The following KCTD14 variants were observed in gnomAD, a reference collection of about 807,000 sequenced individuals.
The protein encoded by KCTD14 is BTB/POZ domain-containing protein KCTD14.
A neutral mutation model predicts 5.9 loss-of-function variants in KCTD14; 7 were observed. The observed-to-expected ratio is 1.19, with a 90% CI of 0.68 to 2.23. The LOEUF (loss-of-function observed/expected upper bound fraction) is 2.23. Among genes scored for constraint, KCTD14 ranks in the 30% most tolerant of loss-of-function variants. The probability of loss-of-function intolerance (pLI) is 0.00; values close to 1 mark genes in which losing one functional copy is unlikely to be tolerated. For missense variants in KCTD14, 342 were observed against 332.2 expected (o/e 1.03, Z -0.23); for synonymous variants, 140 against 133.1 (o/e 1.05, Z -0.36).
chr11:78,020,948 T>C (rs1857288888), intron 1 of KCTD14, among the ~76,000 whole-genome samples: 2 of 152,146 alleles, frequency 1.3e-5, no homozygotes. Flanking sequence ...CTTCCCCAGC[T>C]CTGAAAGTCT....
At chr11:78,017,342 G>A in intron 1 of KCTD14, 72 bp from the exon 2 acceptor site, 2 of 1,487,852 alleles carry the variant, frequency 1.3e-6, no homozygotes, top group Non-Finnish European at 8.9e-7. Flanking sequence ...TTATCCAAAG[G>A]ATAACTGGAT....
chr11:78,044,852 C>T (rs888658798), intron 1 of KCTD14, among the ~76,000 whole-genome samples: 17 of 152,186 alleles, frequency 1.1e-4, no homozygotes, highest in African/African-American at 4.1e-4. Flanking sequence ...TGGAGCTTTA[C>T]ACCTTGGCAT....
chr11:78,028,900 G>A, intron 2 of KCTD14, among the ~76,000 whole-genome samples: 1 of 152,066 alleles, frequency 6.6e-6, no homozygotes, highest in South Asian at 2.1e-4. Flanking sequence ...GTTATTAAAT[G>A]ACATGCATAA....
At chr11:78,030,841 G>C (rs1411017991) in intron 2 of KCTD14, among the ~76,000 whole-genome samples, 2 of 151,950 alleles carry the variant, frequency 1.3e-5, no homozygotes, top group Non-Finnish European at 2.9e-5. Context: ...CCCATACAAG[G>C]CTCCCTCTGT....
upstream of KCTD14, among the ~76,000 whole-genome samples, chr11:78,027,782 T>C (rs1857506468): frequency 6.6e-6 from 1 of 152,166 alleles, no homozygotes; most frequent in Non-Finnish European, 1.5e-5. Flanking sequence ...TATAAAGGGT[T>C]GCATAGACCA....
intron 1 of KCTD14, among the ~76,000 whole-genome samples, chr11:78,042,588 C>T (rs117311011): frequency 0.015 from 2,337 of 152,324 alleles, 24 homozygotes; most frequent in Middle Eastern, 0.027. Context: ...TGAGTAATAA[C>T]TCCATCTCCT....
chr11:78,040,351 TTTC>T (rs1460618560), intron 1 of KCTD14, among the ~76,000 whole-genome samples: 8 of 152,152 alleles, frequency 5.3e-5, no homozygotes, highest in African/African-American at 1.7e-4. Flanking sequence ...TCTTTCTTTC[TTTC>T]TTCTTTTTTT....
chr11:78,028,115 G>A (rs553895235), upstream of KCTD14, among the ~76,000 whole-genome samples: 26 of 152,142 alleles, frequency 1.7e-4, no homozygotes, highest in Non-Finnish European at 1.5e-5. Flanking sequence ...TTTGTTTATA[G>A]TACCGAGTAT....
upstream of KCTD14, chr11:78,023,432 G>A (rs1857362395): frequency 1.7e-6 from 1 of 583,004 alleles, no homozygotes; most frequent in Admixed American, 3.1e-5. Flanking sequence ...GAGAAGGGCT[G>A]ACTTTGGAGA....
At chr11:78,023,012 C>T in intron 1 of KCTD14, 148 bp downstream of exon 1, 1 of 604,366 alleles carries the variant, frequency 1.7e-6, no homozygotes, top group Non-Finnish European at 2.9e-6. Flanking sequence ...AAGAGAGCGA[C>T]CAGCCCGAGG....
intron 1 of KCTD14, among the ~76,000 whole-genome samples, chr11:78,038,998 T>G (rs768253395): frequency 1.4e-5 from 2 of 147,226 alleles, no homozygotes; most frequent in Non-Finnish European, 3.0e-5. Context: ...TGCCTAAAAC[T>G]CATGGGAATT....
chr11:78,021,041 G>C (rs888752613), intron 1 of KCTD14, among the ~76,000 whole-genome samples: 7 of 151,984 alleles, frequency 4.6e-5, no homozygotes, highest in Non-Finnish European at 1.0e-4. Context: ...AGTGGCTTAC[G>C]CCTGTAATCC....
intron 1 of KCTD14, chr11:78,022,953 C>A (rs1857344510): frequency 5.4e-6 from 3 of 551,930 alleles, no homozygotes; most frequent in Non-Finnish European, 9.6e-6. Flanking sequence ...GAAAGGGACA[C>A]CGAGGCGCGA....
intron 2 of KCTD14, among the ~76,000 whole-genome samples, chr11:78,037,044 G>T (rs1422604485): frequency 6.6e-6 from 1 of 152,206 alleles, no homozygotes; most frequent in Admixed American, 6.5e-5. Context: ...ATGAGCCAGG[G>T]TTCAAAACCA....
chr11:78,041,680 G>A (rs1345933048), intron 1 of KCTD14, among the ~76,000 whole-genome samples: 1 of 152,160 alleles, frequency 6.6e-6, no homozygotes, highest in Admixed American at 6.5e-5. Context: ...GTTTGTTACG[G>A]CTCGAGCTGA....
intron 2 of KCTD14, among the ~76,000 whole-genome samples, chr11:78,034,580 T>C (rs1488744421): frequency 6.6e-6 from 1 of 152,066 alleles, no homozygotes; most frequent in Non-Finnish European, 1.5e-5. Flanking sequence ...TTGTGCGACC[T>C]GGGTTCAAGT....
chr11:78,020,964 A>T (rs1399791941), intron 1 of KCTD14, among the ~76,000 whole-genome samples: 1 of 152,132 alleles, frequency 6.6e-6, no homozygotes, highest in Non-Finnish European at 1.5e-5. Flanking sequence ...AGTCTAACAG[A>T]TCCAATCACA....
intron 1 of KCTD14, among the ~76,000 whole-genome samples, chr11:78,017,479 G>A (rs1447398471): frequency 2.1e-5 from 3 of 144,992 alleles, no homozygotes; most frequent in Non-Finnish European, 3.0e-5. Flanking sequence ...ACGGAGTCTC[G>A]CTCTGTCACC....
rs572661672 is a variant in KCTD14, at chr11:78,023,213, T to G, written c.37A>C (p.Arg13=). The part of the protein sequence containing the change: ...QGCAVERPVG[R]MTSQTPLPQS... ...GGCAGAGGGGTCTGGCTCGTCATCC[T>G]GCCCACTGGCCGCTCCACTGCGCAG... The change falls in exon 1 of 2, where the codon AGG becomes CGG. Residue 13 remains arginine, a synonymous_variant. Coordinates refer to ENST00000353172, the MANE Select transcript of KCTD14 (RefSeq NM_023930.4). 1.1e-5 allele frequency: 17 copies of G among 1,608,148 alleles called. No homozygotes were observed. The East Asian group carries it at 1.1e-4, about 11-fold the overall frequency.
Sources: allele counts gnomAD v4.1 joint callset (sites outside exome capture counted in the v4.1 genomes callset), GRCh38; gene constraint gnomAD v4.1.1; transcripts MANE v1.5; gene names NCBI Gene and HGNC (gene_info 2026-07-23, HGNC 2026-07-21).